Variants in CCSER1 observed in about 807,000 individuals in gnomAD.
CCSER1 encodes coiled-coil serine rich protein 1, also known as serine-rich coiled-coil domain-containing protein 1.
In CCSER1, 41 loss-of-function variants were observed where a neutral mutation model predicts 82.0. The observed-to-expected ratio is 0.50, with a 90% CI of 0.39 to 0.65. The LOEUF (loss-of-function observed/expected upper bound fraction) is 0.65, where lower values mean the gene tolerates loss of function less well. CCSER1 is among the 30% of genes least tolerant of loss of function. CCSER1 has a pLI of 0.00. For synonymous variants in CCSER1, 414 were observed against 383.9 expected (o/e 1.08, Z -0.92); for missense variants, 1,119 against 1,064.2 (o/e 1.05, Z -0.72).
At chr4:91,519,497 C>G (rs963651691) in intron 10 of CCSER1, among the ~76,000 whole-genome samples, 1 of 152,208 alleles carries the variant, frequency 6.6e-6, no homozygotes, top group Admixed American at 6.5e-5. Context: ...CCCCCTTCCT[C>G]GGGGCCTATA....
At chr4:91,080,068 T>C (rs1046166010) in intron 9 of CCSER1, among the ~76,000 whole-genome samples, 9 of 152,266 alleles carry the variant, frequency 5.9e-5, no homozygotes, top group Middle Eastern at 3.4e-3. Flanking sequence ...CAAGCAGACC[T>C]CATAGACATC....
chr4:90,799,507 T>G (rs1756502831), intron 7 of CCSER1, among the ~76,000 whole-genome samples: 2 of 152,206 alleles, frequency 1.3e-5, no homozygotes, highest in African/African-American at 2.4e-5. Flanking sequence ...TCTCTGCAGC[T>G]CAGGCACAAT....
rs1459776969 is a variant in CCSER1 at position 91,129,869 on chromosome 4, T to A, written c.2217+43875T>A. ...TGGCAAAATGTACCCAGGCCCTGTA[T>A]TGATTAGGAATTTTCAAGTTCTGGA... On this transcript the variant is annotated intron_variant, in intron 10 of 10. Coordinates refer to ENST00000509176, the MANE Select transcript of CCSER1 (RefSeq NM_001145065.2). 3 of 152,124 alleles carry A rather than the reference T, an allele frequency of 2.0e-5. No individual in the cohort carries two copies. In the East Asian group the frequency reaches 5.8e-4, roughly 29 times the overall value. The allele number at this position is 152,124 out of a possible 1,614,324, so 9.4% of individuals were successfully genotyped here.
At chr4:90,296,051 T>A (rs902303928) in intron 1 of CCSER1, among the ~76,000 whole-genome samples, 3 of 152,084 alleles carry the variant, frequency 2.0e-5, no homozygotes, top group African/African-American at 7.2e-5. Flanking sequence ...TTTTAAGATG[T>A]GTGCTATCCT....
intron 5 of CCSER1, among the ~76,000 whole-genome samples, chr4:90,567,495 G>C (rs58999221): frequency 0.35 from 52,713 of 151,668 alleles, 9,761 homozygotes; most frequent in East Asian, 0.51. Flanking sequence ...TCTCCATGTT[G>C]GTCAGGCTGG....
At chr4:90,408,055 A>G (rs1443500140) in intron 4 of CCSER1, among the ~76,000 whole-genome samples, 1 of 152,178 alleles carries the variant, frequency 6.6e-6, no homozygotes, top group Non-Finnish European at 1.5e-5. Context: ...GCAGTCTAAG[A>G]TCAAACTGCA....
At chr4:91,078,555 G>A (rs970212618) in intron 9 of CCSER1, among the ~76,000 whole-genome samples, 1 of 152,216 alleles carries the variant, frequency 6.6e-6, no homozygotes, top group African/African-American at 2.4e-5. Flanking sequence ...CGCCAGCAAT[G>A]GAACAAAGCT....
intron 3 of CCSER1, among the ~76,000 whole-genome samples, chr4:90,391,298 A>G (rs1355251587): frequency 6.8e-6 from 1 of 146,786 alleles, no homozygotes; most frequent in Non-Finnish European, 1.5e-5. Flanking sequence ...AAAAAAAAAG[A>G]AAAAGAAGTA....
At chr4:91,346,446 C>T (rs971675996) in intron 10 of CCSER1, among the ~76,000 whole-genome samples, 1 of 152,122 alleles carries the variant, frequency 6.6e-6, no homozygotes, top group Non-Finnish European at 1.5e-5. Context: ...GGTTAATACT[C>T]ATGTGCAGGT....
Position 91,124,894 on chromosome 4 carries a change from A to G in CCSER1, c.2217+38900A>G, listed in dbSNP as rs747447103. Among the ~76,000 whole-genome samples, 10 of 151,674 alleles carry G rather than the reference A, an allele frequency of 6.6e-5. 1 individual carries two copies. The highest frequency in any genetic ancestry group is 1.3e-4 in the Non-Finnish European group (9 of 67,766). Reference sequence around the variant, plus strand: ...TTAAATTTTATGATATTGAAGCTTGATCTACTTTAATTTTTTTCACTGACT... The same window carrying G: ...TTAAATTTTATGATATTGAAGCTTGGTCTACTTTAATTTTTTTCACTGACT... On this transcript the variant is annotated intron_variant, in intron 10 of 10. Coordinates refer to ENST00000509176, the MANE Select transcript of CCSER1 (RefSeq NM_001145065.2).
At chr4:90,312,107 T>A (rs1735388715) in intron 2 of CCSER1, among the ~76,000 whole-genome samples, 1 of 152,160 alleles carries the variant, frequency 6.6e-6, no homozygotes, top group African/African-American at 2.4e-5. Flanking sequence ...TTGGTAAAGG[T>A]TTGAAGGAAC....
chr4:90,645,215 A>G (rs995696584), intron 6 of CCSER1, among the ~76,000 whole-genome samples: 35 of 152,176 alleles, frequency 2.3e-4, no homozygotes, highest in Admixed American at 2.2e-3. Flanking sequence ...TTTGGATAGG[A>G]TATCAGTGAA....
chr4:90,869,696 T>A (rs1188312308), intron 8 of CCSER1, among the ~76,000 whole-genome samples: 1 of 147,142 alleles, frequency 6.8e-6, no homozygotes, highest in East Asian at 2.0e-4. Context: ...GGGTCTTTTG[T>A]GACTCCATCT....
intron 3 of CCSER1, among the ~76,000 whole-genome samples, chr4:90,315,113 G>A (rs1233052524): frequency 6.6e-6 from 1 of 151,882 alleles, no homozygotes; most frequent in Non-Finnish European, 1.5e-5. Flanking sequence ...GCCTCCCAGC[G>A]TGCTGGGATT....
chr4:91,167,060 T>C (rs1407762674), intron 10 of CCSER1, among the ~76,000 whole-genome samples: 12 of 152,148 alleles, frequency 7.9e-5, no homozygotes, highest in African/African-American at 2.9e-4. Flanking sequence ...CAAATATCTA[T>C]GAAATACATA....
intron 9 of CCSER1, among the ~76,000 whole-genome samples, chr4:91,041,369 A>G (rs1741941922): frequency 6.6e-6 from 1 of 152,242 alleles, no homozygotes; most frequent in African/African-American, 2.4e-5. Context: ...CAAATTATGT[A>G]AGAAAATCTC....
chr4:91,233,151 G>T (rs778386002), intron 10 of CCSER1, among the ~76,000 whole-genome samples: 48 of 151,672 alleles, frequency 3.2e-4, no homozygotes, highest in African/African-American at 5.3e-4. Flanking sequence ...GAAGGGAAAG[G>T]GGCAATAAAT....
chr4:90,398,297 G>A lies in CCSER1; in HGVS notation c.1510-1739G>A, dbSNP rs142736823. On this transcript the variant is annotated intron_variant, in intron 3 of 10. Coordinates refer to ENST00000509176, the MANE Select transcript of CCSER1 (RefSeq NM_001145065.2). ...GTCTCCAAATGCAGTCATATTCTAA[G>A]GTACTGGGGGTTAGGATTTTTTATA... Among the ~76,000 whole-genome samples, 104 of 152,238 alleles carry A rather than the reference G, an allele frequency of 6.8e-4. 5 individuals carry two copies. In the East Asian group the frequency reaches 0.017, roughly 24 times the overall value.
chr4:91,213,840 C>T (rs576775131), intron 10 of CCSER1, among the ~76,000 whole-genome samples: 154 of 152,200 alleles, frequency 1.0e-3, no homozygotes, highest in African/African-American at 2.6e-3. Flanking sequence ...CATGTTTTCT[C>T]CACCCTCTGG....
Sources: gnomAD v4.1 joint callset for allele counts (sites outside exome capture counted in the v4.1 genomes callset) on GRCh38, gnomAD v4.1.1 for gene constraint, MANE v1.5 for transcripts, NCBI Gene and HGNC (gene_info 2026-07-23, HGNC 2026-07-21) for gene names.